The following NAALADL2 variants were observed in gnomAD, a reference collection of about 807,000 sequenced individuals.
The protein encoded by NAALADL2 is N-acetylated alpha-linked acidic dipeptidase like 2.
Under a neutral mutation model 87.2 loss-of-function variants are expected in NAALADL2, and 76 were observed. The ratio of observed to expected loss-of-function variants is 0.87; its 90% CI spans 0.72 to 1.05. NAALADL2 has a LOEUF of 1.05. NAALADL2 is among the 50% of genes least tolerant of loss of function. NAALADL2 has a pLI of 0.00. For missense variants in NAALADL2, 1,089 were observed against 945.8 expected, an observed-to-expected ratio of 1.15 and a Z score of -1.99; for synonymous variants, 354 against 331.0, an observed-to-expected ratio of 1.07 and a Z score of -0.75.
chr3:175,161,862 G>T (rs905049137), intron 2 of NAALADL2, among the ~76,000 whole-genome samples: 2 of 152,092 alleles, frequency 1.3e-5, no homozygotes, highest in African/African-American at 4.8e-5. Context: ...GATGGTGTCT[G>T]TATACATGCT....
chr3:174,724,746 A>G lies in NAALADL2; in HGVS notation c.-114-12895A>G, dbSNP rs569302801. Among the ~76,000 whole-genome samples, 64 of 152,332 alleles carry G rather than the reference A, an allele frequency of 4.2e-4. 1 individual carries two copies. Among genetic ancestry groups the G allele is most frequent in the African/African-American group, 1.9e-4 (8 of 41,576 alleles). On this transcript the variant is annotated intron_variant, in intron 2 of 3. Coordinates refer to the NAALADL2 transcript ENST00000434257. ...GTTTTAAATAATTACCACAGCATCT[A>G]TATGATACTTCTGATGGAATAGTAG...
chr3:174,834,381 A>C (rs113617155), intron 3 of NAALADL2, among the ~76,000 whole-genome samples: 1 of 141,176 alleles, frequency 7.1e-6, no homozygotes, highest in Non-Finnish European at 1.5e-5. Context: ...TGCTTTCTAC[A>C]CAAGATTGGG....
At chr3:175,298,273 G>A (rs1050802124) in intron 4 of NAALADL2, among the ~76,000 whole-genome samples, 11 of 152,046 alleles carry the variant, frequency 7.2e-5, no homozygotes, top group Admixed American at 3.3e-4. Context: ...GGAGGGATGC[G>A]GAAACTTGTT....
At chr3:174,693,820 G>A (rs1728796419) in intron 2 of NAALADL2, among the ~76,000 whole-genome samples, 1 of 152,100 alleles carries the variant, frequency 6.6e-6, no homozygotes, top group Non-Finnish European at 1.5e-5. Context: ...TATGTCATTT[G>A]CGTGCCACTC....
intron 5 of NAALADL2, among the ~76,000 whole-genome samples, chr3:175,425,545 A>G (rs1716630093): frequency 6.6e-6 from 1 of 152,176 alleles, no homozygotes; most frequent in Non-Finnish European, 1.5e-5. Context: ...TTTTAATACT[A>G]TAGCTGAGGT....
chr3:174,615,999 C>T (rs1720423803), intron 2 of NAALADL2, among the ~76,000 whole-genome samples: 1 of 151,860 alleles, frequency 6.6e-6, no homozygotes, highest in Non-Finnish European at 1.5e-5. Flanking sequence ...TGAATCTGAA[C>T]AACTTATTTG....
intron 3 of NAALADL2, among the ~76,000 whole-genome samples, chr3:175,252,566 A>G: frequency 6.6e-6 from 1 of 152,150 alleles, no homozygotes; most frequent in African/African-American, 2.4e-5. Flanking sequence ...TAAGAATCCT[A>G]CAATGGCCTC....
At chr3:175,616,633 G>T (rs1170566090) in intron 10 of NAALADL2, among the ~76,000 whole-genome samples, 1 of 152,058 alleles carries the variant, frequency 6.6e-6, no homozygotes, top group Non-Finnish European at 1.5e-5. Flanking sequence ...CGTGACCTCT[G>T]CCTGGGGCCT....
chr3:174,552,058 A>C (rs962665320), intron 2 of NAALADL2, among the ~76,000 whole-genome samples: 1 of 152,252 alleles, frequency 6.6e-6, no homozygotes, highest in African/African-American at 2.4e-5. Flanking sequence ...TACATACAAC[A>C]TTCTAGTGCC....
At chr3:174,555,708 A>T (rs1712708262) in intron 2 of NAALADL2, among the ~76,000 whole-genome samples, 1 of 152,132 alleles carries the variant, frequency 6.6e-6, no homozygotes, top group South Asian at 2.1e-4. Flanking sequence ...CTTTGTTCAG[A>T]TTCTTCTTGG....
intron 10 of NAALADL2, among the ~76,000 whole-genome samples, chr3:175,589,180 G>A (rs946713231): frequency 6.6e-6 from 1 of 152,138 alleles, no homozygotes; most frequent in Non-Finnish European, 1.5e-5. Flanking sequence ...AGTTACTTTT[G>A]TTCTACTGGT....
intron 1 of NAALADL2, among the ~76,000 whole-genome samples, chr3:174,912,364 G>T (rs1333289573): frequency 6.6e-6 from 1 of 151,334 alleles, no homozygotes; most frequent in Non-Finnish European, 1.5e-5. Flanking sequence ...TAACCTTGCA[G>T]TTGCTGAGGT....
chr3:175,564,088 T>C (rs959649632), intron 9 of NAALADL2, among the ~76,000 whole-genome samples: 1 of 152,134 alleles, frequency 6.6e-6, no homozygotes, highest in African/African-American at 2.4e-5. Flanking sequence ...TGTGGTGATA[T>C]GCCATCCACA....
At chr3:175,627,472 G>T in intron 11 of NAALADL2, 86 bp downstream of exon 11, 1 of 800,710 alleles carries the variant, frequency 1.2e-6, no homozygotes, top group South Asian at 1.7e-5. Context: ...AACCAATCAA[G>T]AGCAATCCGT....
At chr3:174,833,750 C>T (rs1723004823) in intron 3 of NAALADL2, among the ~76,000 whole-genome samples, 1 of 151,782 alleles carries the variant, frequency 6.6e-6, no homozygotes, top group Non-Finnish European at 1.5e-5. Context: ...TCATTTAACA[C>T]TTGAAAATCA....
intron 13 of NAALADL2, among the ~76,000 whole-genome samples, chr3:175,794,395 AG>A: frequency 6.6e-6 from 1 of 150,774 alleles, no homozygotes; most frequent in Admixed American, 6.6e-5. Flanking sequence ...AAAAAAAAAA[AG>A]TAGTCAACTG....
chr3:175,482,289 G>C (rs1428804074), intron 9 of NAALADL2, among the ~76,000 whole-genome samples: 2 of 152,008 alleles, frequency 1.3e-5, no homozygotes, highest in African/African-American at 4.8e-5. Context: ...TCAAGAGGCT[G>C]CTGTTGACTA....
intron 11 of NAALADL2, among the ~76,000 whole-genome samples, chr3:175,674,552 C>G (rs1734499179): frequency 6.6e-6 from 1 of 152,112 alleles, no homozygotes; most frequent in Non-Finnish European, 1.5e-5. Context: ...GCCTGAGCCA[C>G]CGTGCCCGGC....
At chr3:175,580,511 A>C (rs1273967692) in intron 10 of NAALADL2, among the ~76,000 whole-genome samples, 1 of 152,172 alleles carries the variant, frequency 6.6e-6, no homozygotes, top group African/African-American at 2.4e-5. Flanking sequence ...AAATAGTTCC[A>C]AAGTCCTTTA....
Sources: gnomAD v4.1 joint callset for allele counts (sites outside exome capture counted in the v4.1 genomes callset) on GRCh38, gnomAD v4.1.1 for gene constraint, MANE v1.5 for transcripts, NCBI Gene and HGNC (gene_info 2026-07-23, HGNC 2026-07-21) for gene names.